LAMA3: variants seen among roughly 807,000 people sequenced by gnomAD.
LAMA3 encodes laminin subunit alpha-3.
Under a neutral mutation model 402.0 loss-of-function variants are expected in LAMA3, and 281 were observed. The ratio of observed to expected loss-of-function variants is 0.70; its 90% CI spans 0.63 to 0.77. LAMA3 has a LOEUF of 0.77. Ranked by LOEUF, LAMA3 falls within the 30% of genes least tolerant of loss-of-function variation. LAMA3 has a pLI of 0.00. For synonymous variants in LAMA3, 1,431 were observed against 1,558.4 expected (o/e 0.92, Z 1.93); for missense variants, 3,840 against 4,215.5 (o/e 0.91, Z 2.47).
chr18:23,932,310 G>A lies in LAMA3; in HGVS notation c.8708+19G>A. On this transcript the variant is annotated intron_variant, in intron 66 of 74. Transcript: ENST00000313654. The stretch of plus-strand genomic sequence containing the variant: ...TCCAGAGGTAGGTGATCCTCTCTTT[G>A]TGGGTAACTGATGAGAACGGCCTGC... 6.2e-7 allele frequency: 1 copy of A among 1,613,200 alleles called. No individual in the cohort carries two copies. Among genetic ancestry groups the A allele is most frequent in the Non-Finnish European group, 8.5e-7 (1 of 1,179,330 alleles).
chr18:23,814,147 A>T (rs1381785326), intron 14 of LAMA3, among the ~76,000 whole-genome samples: 2 of 152,258 alleles, frequency 1.3e-5, no homozygotes, highest in African/African-American at 4.8e-5. Flanking sequence ...AGTGATTTTT[A>T]AATTTTCTTT....
In LAMA3 at chr18:23,763,013, C is replaced by T. The variant is rs1047674660; in HGVS notation, c.1064-392C>T. 3.9e-5 allele frequency among the ~76,000 whole-genome samples: 6 copies of T among 152,128 alleles called. No homozygotes were observed. In the East Asian group the frequency reaches 7.7e-4, roughly 20 times the overall value. ...CTGGGACTACAGGCACATGCCACCA[C>T]GCCTGGCTAATTTTTGTATTTTTAG... On this transcript the variant is annotated intron_variant, in intron 7 of 74. Coordinates refer to ENST00000313654, the MANE Select transcript of LAMA3 (RefSeq NM_198129.4).
At chr18:23,869,368 T>C (rs1166145121) in intron 37 of LAMA3, among the ~76,000 whole-genome samples, 1 of 152,190 alleles carries the variant, frequency 6.6e-6, no homozygotes, top group Non-Finnish European at 1.5e-5. Flanking sequence ...AGAGACAGAA[T>C]GTAGATTAGT....
In LAMA3 at chr18:23,953,395, G is replaced by A. The variant is rs144213971; in HGVS notation, c.9856+286G>A. On this transcript the variant is annotated intron_variant, in intron 74 of 74. Transcript: ENST00000313654. ...CTCACTCTGTTGCCCAGGCTGGAGA[G>A]CAGTGATGTGATCTCAGCTCACCAC... Among the ~76,000 whole-genome samples the A allele has an allele frequency of 8.7e-3, 1,288 of 148,274 alleles. 10 individuals carry two copies. Among genetic ancestry groups the A allele is most frequent in the Middle Eastern group, 0.073 (21 of 286 alleles).
At chr18:23,692,855 A>T (rs1331619709) in intron 1 of LAMA3, among the ~76,000 whole-genome samples, 1 of 152,132 alleles carries the variant, frequency 6.6e-6, no homozygotes, top group South Asian at 2.1e-4. Context: ...TATCCTAAAT[A>T]TATAACAATC....
At chr18:23,749,784 C>T (rs1449705328) in intron 4 of LAMA3, among the ~76,000 whole-genome samples, 1 of 152,158 alleles carries the variant, frequency 6.6e-6, no homozygotes, top group Non-Finnish European at 1.5e-5. Context: ...TGATCCAAAG[C>T]CCGCAGGTCT....
intron 2 of LAMA3, among the ~76,000 whole-genome samples, chr18:23,742,323 A>G (rs2061577897): frequency 6.6e-6 from 1 of 152,206 alleles, no homozygotes; most frequent in Non-Finnish European, 1.5e-5. Flanking sequence ...GCTGTGGATT[A>G]AAGGGGACAA....
chr18:23,855,692 T>C (rs2064060922), intron 32 of LAMA3, among the ~76,000 whole-genome samples: 1 of 152,100 alleles, frequency 6.6e-6, no homozygotes, highest in Non-Finnish European at 1.5e-5. Flanking sequence ...TACCCAGCTT[T>C]CCAAAAGCGT....
At chr18:23,902,313 C>A (rs976203473) in intron 48 of LAMA3, among the ~76,000 whole-genome samples, 2 of 151,488 alleles carry the variant, frequency 1.3e-5, no homozygotes, top group East Asian at 3.9e-4. Flanking sequence ...TCAGCCTAGG[C>A]AACAGAATGA....
intron 1 of LAMA3, among the ~76,000 whole-genome samples, chr18:23,711,973 A>C (rs2060998388): frequency 6.6e-6 from 1 of 152,238 alleles, no homozygotes; most frequent in South Asian, 2.1e-4. Flanking sequence ...TTGAGGAATA[A>C]TAATTAAATT....
chr18:23,860,261 C>CTT lies in LAMA3; in HGVS notation c.4423-1367_4423-1366dup, dbSNP rs59852195. On this transcript the variant is annotated intron_variant, in intron 34 of 74. Coordinates refer to ENST00000313654, the MANE Select transcript of LAMA3 (RefSeq NM_198129.4). The stretch of plus-strand genomic sequence containing the variant: ...TCTTTTCTTTGGTCACTTTTCTTTT[C>CTT]TTTTTTTTTTTTTTTTTTTGAGACA... 7.2e-3 allele frequency among the ~76,000 whole-genome samples: 811 copies of CTT among 112,624 alleles called. 19 individuals carry two copies. The highest frequency in any genetic ancestry group is 9.9e-3 in the Non-Finnish European group (566 of 57,062). 73.9% of individuals were successfully genotyped at this position (112,624 alleles called of 152,430 possible).
chr18:23,816,395 G>A lies in LAMA3; in HGVS notation c.2055G>A (p.Gln685=), dbSNP rs746070804. The change falls in exon 18 of 75, where the codon CAG becomes CAA. Residue 685 remains glutamine (Q), a synonymous_variant. Transcript: ENST00000313654. ...CTGTTTCCTGGCTTTCAGGGTGTCA[G>A]TGTGACATTGGTGGGGCATTGTCCT... ...KSNYFGCQGC[Q]CDIGGALSSM... The A allele has an allele frequency of 2.8e-5, 45 of 1,613,826 alleles. No individual in the cohort carries two copies. The highest frequency in any genetic ancestry group is 3.7e-5 in the Non-Finnish European group (44 of 1,179,850).
chr18:23,768,073 G>C (rs2062115406), intron 8 of LAMA3, among the ~76,000 whole-genome samples: 1 of 151,536 alleles, frequency 6.6e-6, no homozygotes, highest in African/African-American at 2.4e-5. Flanking sequence ...TTGGCCTTCG[G>C]AAATAATTTA....
At chr18:23,690,241 G>T (rs2060557247) in intron 1 of LAMA3, among the ~76,000 whole-genome samples, 1 of 152,212 alleles carries the variant, frequency 6.6e-6, no homozygotes, top group African/African-American at 2.4e-5. Context: ...TGGTGGAGGG[G>T]AAAGTGTGAG....
chr18:23,905,411 C>A, intron 51 of LAMA3, 111 bp from the exon 52 acceptor site: 1 of 697,594 alleles, frequency 1.4e-6, no homozygotes, highest in Non-Finnish European at 2.6e-6. Flanking sequence ...AACTCCTTCC[C>A]CCTTTGAACT....
chr18:23,707,717 C>T (rs1243493225), intron 1 of LAMA3, among the ~76,000 whole-genome samples: 1 of 151,376 alleles, frequency 6.6e-6, no homozygotes, highest in Non-Finnish European at 1.5e-5. Flanking sequence ...CTCAGGCTGT[C>T]ACCAACTCCC....
At chr18:23,870,216 T>C (rs2064477035) in intron 37 of LAMA3, among the ~76,000 whole-genome samples, 1 of 152,012 alleles carries the variant, frequency 6.6e-6, no homozygotes, top group Admixed American at 6.5e-5. Context: ...GGCAGGAGAA[T>C]CACTTGAACC....
intron 23 of LAMA3, among the ~76,000 whole-genome samples, chr18:23,831,636 T>C (rs753289332): frequency 1.1e-4 from 17 of 152,236 alleles, no homozygotes; most frequent in Non-Finnish European, 2.4e-4. Flanking sequence ...AGTTATCTAA[T>C]TACTTGATTC....
intron 2 of LAMA3, among the ~76,000 whole-genome samples, chr18:23,723,968 G>T (rs929471704): frequency 2.0e-5 from 3 of 151,832 alleles, no homozygotes; most frequent in African/African-American, 7.3e-5. Flanking sequence ...TCAGATTTTG[G>T]TGCACCCGTC....
Sources: allele counts gnomAD v4.1 joint callset (sites outside exome capture counted in the v4.1 genomes callset), GRCh38; gene constraint gnomAD v4.1.1; transcripts MANE v1.5; gene names NCBI Gene and HGNC (gene_info 2026-07-23, HGNC 2026-07-21).